The following SYT1 variants were observed in gnomAD, a reference collection of about 807,000 sequenced individuals.
SYT1 encodes the protein synaptotagmin-1.
In SYT1, 8 loss-of-function variants were observed where a neutral mutation model predicts 44.8. The ratio of observed to expected loss-of-function variants is 0.18; its 90% CI spans 0.10 to 0.32. The LOEUF is 0.32. SYT1 is among the 10% of genes least tolerant of loss of function. The pLI, the probability that SYT1 is intolerant of heterozygous loss-of-function variation, is 1.00. For synonymous variants in SYT1, 154 were observed against 188.8 expected (o/e 0.82, Z 1.51); for missense variants, 286 against 509.3 (o/e 0.56, Z 4.22).
chr12:79,145,324 T>A (rs191306710), intron 3 of SYT1, among the ~76,000 whole-genome samples: 177 of 152,258 alleles, frequency 1.2e-3, no homozygotes, highest in African/African-American at 4.0e-3. Flanking sequence ...TTAACATTTT[T>A]AAAAAATATG....
chr12:79,322,178 T>G (rs1881393736), intron 8 of SYT1, among the ~76,000 whole-genome samples: 1 of 152,200 alleles, frequency 6.6e-6, no homozygotes, highest in African/African-American at 2.4e-5. Context: ...TGGTTCTTCC[T>G]AAATGCAAGT....
intron 1 of SYT1, among the ~76,000 whole-genome samples, chr12:78,968,884 A>G (rs1868311534): frequency 1.3e-5 from 2 of 152,166 alleles, no homozygotes; most frequent in African/African-American, 2.4e-5. Flanking sequence ...ATGTGTGTGA[A>G]TAAGACAAAG....
At chr12:79,179,193 TAG>T (rs1872199082) in intron 3 of SYT1, among the ~76,000 whole-genome samples, 1 of 69,478 alleles carries the variant, frequency 1.4e-5, no homozygotes. Context: ...GATATAGATA[TAG>T]ATATATAGAT....
intron 3 of SYT1, among the ~76,000 whole-genome samples, chr12:79,213,742 T>A (rs1016657376): frequency 1.4e-4 from 21 of 152,228 alleles, no homozygotes; most frequent in Non-Finnish European, 3.1e-4. Flanking sequence ...CTGGCCAACA[T>A]GGTGAAACTC....
chr12:78,911,451 T>C (rs1331281078), intron 1 of SYT1, among the ~76,000 whole-genome samples: 1 of 151,854 alleles, frequency 6.6e-6, no homozygotes, highest in African/African-American at 2.4e-5. Flanking sequence ...CAACATTTCA[T>C]GTCTATGTAC....
At chr12:78,866,856 G>A (rs1300451998) in intron 1 of SYT1, among the ~76,000 whole-genome samples, 5 of 152,006 alleles carry the variant, frequency 3.3e-5, no homozygotes, top group African/African-American at 2.4e-5. Context: ...CACTAATTTT[G>A]TATCTCAGAG....
intron 8 of SYT1, among the ~76,000 whole-genome samples, chr12:79,338,311 C>T (rs193240687): frequency 1.3e-5 from 2 of 149,734 alleles, no homozygotes; most frequent in African/African-American, 4.9e-5. Flanking sequence ...GGATCTCACT[C>T]TGTCACCCAG....
intron 4 of SYT1, among the ~76,000 whole-genome samples, chr12:79,218,762 A>T (rs1228318026): frequency 6.6e-6 from 1 of 152,120 alleles, no homozygotes. Flanking sequence ...CCATTCATCC[A>T]CTGATAAGAC....
intron 7 of SYT1, among the ~76,000 whole-genome samples, chr12:79,298,586 T>A (rs1380489990): frequency 6.6e-6 from 1 of 152,164 alleles, no homozygotes; most frequent in East Asian, 1.9e-4. Flanking sequence ...ACCCAGTTAC[T>A]GAAGTGTAGC....
chr12:79,311,655 T>C lies in SYT1; in HGVS notation c.810+12104T>C, dbSNP rs796779131. The stretch of plus-strand genomic sequence containing the variant: ...AATGATAGACTGGATTAAGAAAATG[T>C]GGCACATATACACCATGGAATACTA... On this transcript the variant is annotated intron_variant, in intron 8 of 10. Transcript: ENST00000261205. Among the ~76,000 whole-genome samples, 769 of 135,188 alleles carry C rather than the reference T, an allele frequency of 5.7e-3. 3 individuals are homozygous for C. The highest frequency in any genetic ancestry group is 0.02 in the African/African-American group (721 of 35,386). 88.7% of individuals were successfully genotyped at this position (135,188 alleles called of 152,430 possible). A position where few individuals can be genotyped will look rare whatever the true frequency, so the allele number is the denominator to read the frequency against.
intron 4 of SYT1, among the ~76,000 whole-genome samples, chr12:79,242,314 A>G (rs542055588): frequency 3.9e-5 from 6 of 152,298 alleles, no homozygotes; most frequent in Admixed American, 3.9e-4. Context: ...AGGGTTATAG[A>G]GCGGCTTGGG....
At chr12:79,096,935 C>T (rs1431630514) in intron 3 of SYT1, among the ~76,000 whole-genome samples, 1 of 151,960 alleles carries the variant, frequency 6.6e-6, no homozygotes, top group Non-Finnish European at 1.5e-5. Context: ...GAATCCACAT[C>T]AGTTGATGAC....
intron 4 of SYT1, among the ~76,000 whole-genome samples, chr12:79,276,379 A>AC (rs1555213535): frequency 7.6e-6 from 1 of 131,050 alleles, no homozygotes; most frequent in Non-Finnish European, 1.7e-5. Context: ...AAAAAACAAA[A>AC]CAAAAAAAAC....
At chr12:79,312,095 G>A (rs2138940692) in intron 8 of SYT1, among the ~76,000 whole-genome samples, 1 of 151,832 alleles carries the variant, frequency 6.6e-6, no homozygotes, top group South Asian at 2.1e-4. Context: ...ATGTTTTTTT[G>A]TGGATTCTTT....
chr12:79,317,545 A>T (rs73352920), intron 8 of SYT1, among the ~76,000 whole-genome samples: 1,599 of 152,262 alleles, frequency 0.011, 30 homozygotes, highest in African/African-American at 0.036. Flanking sequence ...AGAGCAGGAC[A>T]TTGCACAGTG....
intron 8 of SYT1, among the ~76,000 whole-genome samples, chr12:79,346,402 A>T (rs73354705): frequency 0.024 from 3,583 of 152,318 alleles, 142 homozygotes; most frequent in African/African-American, 0.08. Flanking sequence ...AAGAGCAGGT[A>T]AATTTCTCTG....
chr12:78,907,084 C>T (rs1876030905), intron 1 of SYT1, among the ~76,000 whole-genome samples: 1 of 151,940 alleles, frequency 6.6e-6, no homozygotes, highest in South Asian at 2.1e-4. Context: ...AGGTCCTCCT[C>T]TTGTTTGGGT....
At chr12:79,417,080 T>C (rs1297586244) in intron 9 of SYT1, among the ~76,000 whole-genome samples, 1 of 152,200 alleles carries the variant, frequency 6.6e-6, no homozygotes, top group Non-Finnish European at 1.5e-5. Context: ...CAAAAGTGTC[T>C]CTGAAAATTT....
chr12:79,414,003 C>T (rs1868583570), intron 9 of SYT1, among the ~76,000 whole-genome samples: 1 of 152,162 alleles, frequency 6.6e-6, no homozygotes, highest in Admixed American at 6.5e-5. Flanking sequence ...GCTACAGTGA[C>T]TCACCTGGAG....
Sources: gnomAD v4.1 joint callset for allele counts (sites outside exome capture counted in the v4.1 genomes callset) on GRCh38, gnomAD v4.1.1 for gene constraint, MANE v1.5 for transcripts, NCBI Gene and HGNC (gene_info 2026-07-23, HGNC 2026-07-21) for gene names.